The following CELF6 variants were observed in gnomAD, a reference collection of about 807,000 sequenced individuals.
The protein encoded by CELF6 is Bruno -like 6, RNA binding protein.
In CELF6, 32 loss-of-function variants were observed where a neutral mutation model predicts 53.1. The observed-to-expected ratio is 0.60, with a 90% CI of 0.46 to 0.81. The LOEUF (loss-of-function observed/expected upper bound fraction) is 0.81. Among genes scored for constraint, CELF6 ranks in the 30% least tolerant of loss-of-function variants. The pLI is 0.00. For missense variants in CELF6, 539 were observed against 669.5 expected (o/e 0.81, Z 2.15); for synonymous variants, 291 against 288.8 (o/e 1.01, Z -0.08).
chr15:72,293,849 T>A (rs942379138), intron 3 of CELF6, among the ~76,000 whole-genome samples: 2 of 152,110 alleles, frequency 1.3e-5, no homozygotes, highest in Non-Finnish European at 2.9e-5. Flanking sequence ...CACGCCACCA[T>A]GCCCAGCTAA....
chr15:72,302,570 A>G (rs903985606), intron 3 of CELF6, among the ~76,000 whole-genome samples: 3 of 152,234 alleles, frequency 2.0e-5, no homozygotes, highest in African/African-American at 7.2e-5. Context: ...CTTAGAGCCC[A>G]GACCACCAGA....
chr15:72,316,651 A>T (rs1286789596), intron 1 of CELF6, among the ~76,000 whole-genome samples: 2 of 152,172 alleles, frequency 1.3e-5, no homozygotes, highest in African/African-American at 2.4e-5. Context: ...GTCAGCGAAG[A>T]GGTCTAGGTT....
chr15:72,295,834 T>G (rs1435450938), intron 3 of CELF6, among the ~76,000 whole-genome samples: 1 of 152,176 alleles, frequency 6.6e-6, no homozygotes, highest in East Asian at 1.9e-4. Context: ...CTCCAAGTGA[T>G]CTACAGATTT....
At chr15:72,312,552 C>T (rs773609683) in intron 2 of CELF6, among the ~76,000 whole-genome samples, 2 of 152,132 alleles carry the variant, frequency 1.3e-5, no homozygotes, top group Non-Finnish European at 2.9e-5. Context: ...TCACTTGAAC[C>T]CTGGAGGTGG....
rs966750497 is a variant in CELF6 at position 72,289,089 on chromosome 15, C to T, written c.1030+49G>A. On this transcript the variant is annotated intron_variant, in intron 8 of 12. Coordinates refer to ENST00000287202, the MANE Select transcript of CELF6 (RefSeq NM_052840.5). This position sits in a 1 kb window ranked among gnomAD's most constrained non-coding sequence, Gnocchi z 7.6. ...AAGCCAGGCCCTAACCCCCCACCCC[C>T]CGCTCCCCACTCCATTTCGGGGGGA... 7.0e-7 allele frequency: 1 copy of T among 1,425,464 alleles called. No individual in the cohort carries two copies. 88.3% of individuals were successfully genotyped at this position (1,425,464 alleles called of 1,614,324 possible). A position where few individuals can be genotyped will look rare whatever the true frequency, so the allele number is the denominator to read the frequency against.
rs2088406936 is a variant in CELF6 at position 72,319,857 on chromosome 15, T to C, written c.18A>G (p.Gly6=). ...CGGGGCCAGCGGGCTGCGCTGACCC[T>C]CCCGGCGCCGCGGCCATGTCCCCGC... MAAAP[G]GSAQPAGPGP... Residue 6 remains glycine (G), a synonymous_variant, in exon 1 of 13, where the codon GGA becomes GGG. Transcript: ENST00000287202. This position sits in a 1 kb window ranked among gnomAD's most constrained non-coding sequence, Gnocchi z 5.0. 7 of 1,514,020 alleles carry C rather than the reference T, an allele frequency of 4.6e-6. No homozygotes were observed. The highest frequency in any genetic ancestry group is 4.6e-4 in the Middle Eastern group (2 of 4,382). 93.8% of individuals were successfully genotyped at this position (1,514,020 alleles called of 1,614,324 possible).
chr15:72,297,295 TA>T (rs912510751), intron 3 of CELF6, among the ~76,000 whole-genome samples: 24 of 152,182 alleles, frequency 1.6e-4, no homozygotes, highest in African/African-American at 5.5e-4. Context: ...CTCCATACTG[TA>T]ACCCCCCTGC....
In CELF6 at chr15:72,289,551, G is replaced by A. The variant is rs1419272369; in HGVS notation, c.748-44C>T. On this transcript the variant is annotated intron_variant, in intron 6 of 12. Transcript: ENST00000287202. The surrounding 1 kb of genome is among the most constrained non-coding windows in gnomAD (Gnocchi z 7.6). ...GCGAGAGTGGAGGGCCAAGGGGCAG[G>A]CAGCTGCCCGTGCTCTCAGCCCCAG... 6.7e-7 allele frequency: 1 copy of A among 1,486,724 alleles called. No individual in the cohort carries two copies. Among genetic ancestry groups the A allele is most frequent in the Admixed American group, 2.3e-5 (1 of 43,686 alleles). The allele number at this position is 1,486,724 out of a possible 1,614,324, so 92.1% of individuals were successfully genotyped here.
chr15:72,290,394 T>C (rs2087989758), intron 3 of CELF6, 139 bp from the exon 4 acceptor site: 1 of 989,534 alleles, frequency 1.0e-6, no homozygotes, highest in Non-Finnish European at 1.4e-6. Context: ...GCTTCCAGGG[T>C]TGGTTTTCAT....
intron 2 of CELF6, among the ~76,000 whole-genome samples, chr15:72,306,749 C>G (rs1336407626): frequency 6.6e-6 from 1 of 151,612 alleles, no homozygotes; most frequent in African/African-American, 2.4e-5. Flanking sequence ...CCAAGCAGAT[C>G]AGGGCGAGCT....
intron 2 of CELF6, among the ~76,000 whole-genome samples, chr15:72,307,671 G>A (rs2959927): frequency 0.032 from 4,863 of 152,318 alleles, 156 homozygotes; most frequent in African/African-American, 0.076. Context: ...GTCTGAGGCT[G>A]AAGCCCATGA....
intron 2 of CELF6, chr15:72,306,021 G>C: frequency 7.6e-6 from 7 of 922,172 alleles, no homozygotes; most frequent in Non-Finnish European, 9.1e-6. Flanking sequence ...AACCAGATGA[G>C]GCTCTTAAGT....
Position 72,289,774 on chromosome 15 carries a change from G to T in CELF6, c.604-4C>A, listed in dbSNP as rs552232686. 1 of 1,452,416 alleles carries T rather than the reference G, an allele frequency of 6.9e-7. No homozygotes were observed. The highest frequency in any genetic ancestry group is 9.0e-7 in the Non-Finnish European group (1 of 1,108,468). The allele number at this position is 1,452,416 out of a possible 1,614,324, so 90.0% of individuals were successfully genotyped here. A position where few individuals can be genotyped will look rare whatever the true frequency, so the allele number is the denominator to read the frequency against. ...CCACGAGGCTGGACGAGGCGCCCTGGGCAGGGCAGGGGAGGCCGTGGTGAC... is the reference window on the plus strand; with the variant it reads ...CCACGAGGCTGGACGAGGCGCCCTGTGCAGGGCAGGGGAGGCCGTGGTGAC... On this transcript the variant is annotated splice_region_variant and splice_polypyrimidine_tract_variant and intron_variant, in intron 5 of 12. Coordinates refer to ENST00000287202, the MANE Select transcript of CELF6 (RefSeq NM_052840.5). The surrounding 1 kb of genome is among the most constrained non-coding windows in gnomAD (Gnocchi z 7.6).
In CELF6 at chr15:72,289,830, G is replaced by A. The variant is rs2087980999; in HGVS notation, c.604-60C>T. 1 of 1,474,168 alleles carries A rather than the reference G, an allele frequency of 6.8e-7. No individual in the cohort carries two copies. Among genetic ancestry groups the A allele is most frequent in the Non-Finnish European group, 9.0e-7 (1 of 1,115,184 alleles). The allele number at this position is 1,474,168 out of a possible 1,614,324, so 91.3% of individuals were successfully genotyped here. On this transcript the variant is annotated intron_variant, in intron 5 of 12. Coordinates refer to ENST00000287202, the MANE Select transcript of CELF6 (RefSeq NM_052840.5). This position sits in a 1 kb window ranked among gnomAD's most constrained non-coding sequence, Gnocchi z 7.6. ...CTGACCCTGGCCCCGGCCCGGGGCC[G>A]AGCGCCTTTCCCATCAGGTCCTTTC...
chr15:72,286,192 C>T lies in CELF6; in HGVS notation c.*179G>A, dbSNP rs1477666175. 6.6e-6 allele frequency: 1 copy of T among 152,650 alleles called. No homozygotes were observed. The highest frequency in any genetic ancestry group is 1.5e-5 in the Non-Finnish European group (1 of 68,070). The allele number at this position is 152,650 out of a possible 1,614,324, so 9.5% of individuals were successfully genotyped here. On this transcript the variant is annotated 3_prime_UTR_variant, in exon 13 of 13. Transcript: ENST00000287202. ...TGCGCTCTATGCTGCAGGCACAGAA[C>T]AACCCACTTGATAAAAACAATCCTT... is the stretch of plus-strand genomic sequence containing the variant.
chr15:72,301,257 G>C (rs1287241768), intron 3 of CELF6, among the ~76,000 whole-genome samples: 2 of 152,104 alleles, frequency 1.3e-5, no homozygotes, highest in Non-Finnish European at 1.5e-5. Flanking sequence ...GCCTCCTAAA[G>C]TGCTGGGATT....
In CELF6 at chr15:72,288,592, C is replaced by T; in HGVS notation, c.1120G>A (p.Val374Met). Residue 374 changes from valine (V) to methionine (M), a missense_variant, in exon 10 of 13, where the codon GTG becomes ATG. This residue lies in a region of CELF6 where 358 missense variants were observed against 412.8 expected (regional missense o/e 0.87). Transcript: ENST00000287202. This position sits in a 1 kb window ranked among gnomAD's most constrained non-coding sequence, Gnocchi z 4.6. ...GGCTGCTGGGGAAAAGCTGTGCTCA[C>T]TGGGGCATAGGCCGACGGATAGGCT... ...AAAYPSAYAP[V>M]STAFPQQPSA... The T allele has an allele frequency of 3.2e-6, 5 of 1,577,802 alleles. No homozygotes were observed. Among genetic ancestry groups the T allele is most frequent in the Non-Finnish European group, 4.3e-6 (5 of 1,161,434 alleles).
In CELF6 at chr15:72,289,418, C is replaced by T. The variant is rs2087972520; in HGVS notation, c.837G>A (p.Val279=). The T allele has an allele frequency of 1.3e-6, 2 of 1,553,470 alleles. No homozygotes were observed. The highest frequency in any genetic ancestry group is 2.4e-5 in the East Asian group (1 of 42,402). The change falls in exon 7 of 13, where the codon GTG becomes GTA. Residue 279 remains valine, a synonymous_variant. Transcript: ENST00000287202. The surrounding 1 kb of genome is among the most constrained non-coding windows in gnomAD (Gnocchi z 7.6). The stretch of plus-strand genomic sequence containing the variant: ...GCGCAGCTACCAGGCTAAAGGCCGC[C>T]ACGTGTTGCATCTGGGCCGCCACTG... ...VAAVAAQMQH[V]AAFSLVAAPL...
At chr15:72,296,254 G>A (rs544177895) in intron 3 of CELF6, among the ~76,000 whole-genome samples, 19 of 152,288 alleles carry the variant, frequency 1.2e-4, no homozygotes, top group South Asian at 1.2e-3. Context: ...AAATGTAAGA[G>A]CTAAAACAAT....
Sources: allele counts gnomAD v4.1 joint callset (sites outside exome capture counted in the v4.1 genomes callset), GRCh38; gene constraint gnomAD v4.1.1; regional missense constraint gnomAD v4.1.1; non-coding constraint Gnocchi (gnomAD v3.1); transcripts MANE v1.5; gene names NCBI Gene and HGNC (gene_info 2026-07-23, HGNC 2026-07-21).